TRIM66: variants seen among roughly 807,000 people sequenced by gnomAD.
TRIM66 encodes tripartite motif-containing protein 66.
TRIM66 carries 99 observed loss-of-function variants against 148.2 expected under a neutral mutation model. The ratio of observed to expected loss-of-function variants is 0.67; its 90% confidence interval spans 0.57 to 0.79. The LOEUF is 0.79. Ranked by LOEUF, TRIM66 falls within the 30% of genes least tolerant of loss-of-function variation. The pLI, the probability that TRIM66 is intolerant of heterozygous loss-of-function variation, is 0.00. For missense variants in TRIM66, 1,666 were observed against 1,697.9 expected (o/e 0.98, Z 0.33); for synonymous variants, 616 against 635.9 (o/e 0.97, Z 0.47).
At position 8,622,382 on chromosome 11, in the gene TRIM66, A is replaced by C. The variant is rs1157880488; in HGVS notation, c.3080+434T>G. On this transcript the variant is annotated intron_variant, in intron 18 of 24. Coordinates refer to ENST00000646038, the MANE Select transcript of TRIM66 (RefSeq NM_001388022.1). ...CACACACACATATATATATATATAT[A>C]TCTCCTACTTGTTCTGTGCCTCTAG... is the stretch of plus-strand genomic sequence containing the variant. Among the ~76,000 whole-genome samples the C allele has an allele frequency of 1.5e-5, 2 of 130,416 alleles. 1 individual carries two copies. Among genetic ancestry groups the C allele is most frequent in the Non-Finnish European group, 3.3e-5 (2 of 59,860 alleles). 85.6% of individuals were successfully genotyped at this position (130,416 alleles called of 152,430 possible). A position where few individuals can be genotyped will look rare whatever the true frequency, so the allele number is the denominator to read the frequency against.
intron 1 of TRIM66, 105 bp downstream of exon 1, chr11:8,682,496 G>A (rs2039488510): frequency 8.6e-6 from 4 of 464,978 alleles, no homozygotes; most frequent in Non-Finnish European, 1.5e-5. Flanking sequence ...CAAGGCGCCA[G>A]AAAAGGGCCT....
intron 23 of TRIM66, 195 bp downstream of exon 23, chr11:8,619,188 T>C: frequency 2.7e-6 from 2 of 731,506 alleles, no homozygotes; most frequent in Non-Finnish European, 4.4e-6. Context: ...CACTAGTACC[T>C]CCCCTTTTTC....
chr11:8,681,863 G>A (rs977884853), intron 1 of TRIM66, among the ~76,000 whole-genome samples: 1 of 152,076 alleles, frequency 6.6e-6, no homozygotes, highest in African/African-American at 2.4e-5. Context: ...TTGTGTCCAG[G>A]AAAGGGTCAC....
chr11:8,623,020 C>T, intron 17 of TRIM66, 144 bp from the exon 18 acceptor site: 1 of 407,636 alleles, frequency 2.5e-6, no homozygotes, highest in South Asian at 3.1e-5. Flanking sequence ...GTCATTCATA[C>T]ATAGTGGTGA....
chr11:8,642,787 T>C (rs1352446855), intron 13 of TRIM66, among the ~76,000 whole-genome samples: 1 of 126,358 alleles, frequency 7.9e-6, no homozygotes, highest in Non-Finnish European at 1.5e-5. Context: ...CTCATCCTGA[T>C]ACAAAGTCCT....
chr11:8,682,474 C>T, intron 1 of TRIM66, 127 bp downstream of exon 1: 2 of 421,104 alleles, frequency 4.7e-6, no homozygotes, highest in African/African-American at 2.1e-5. Flanking sequence ...TCGGCTTAGG[C>T]GGTTCCCTGA....
At position 8,670,233 on chromosome 11, in the gene TRIM66, G is replaced by A. The variant is rs149079574; in HGVS notation, c.340+1553C>T. Among the ~76,000 whole-genome samples the A allele has an allele frequency of 8.4e-3, 1,283 of 152,102 alleles. 18 individuals carry two copies. The highest frequency in any genetic ancestry group is 0.029 in the African/African-American group (1,205 of 41,480). On this transcript the variant is annotated intron_variant, in intron 6 of 24. Coordinates refer to ENST00000646038, the MANE Select transcript of TRIM66 (RefSeq NM_001388022.1). ...TCACCATGTTGCCCAGGCTGGTCTC[G>A]AACTCCTGACCTCAGATGATTCGCT... is the stretch of plus-strand genomic sequence containing the variant.
At chr11:8,644,404 T>A in intron 12 of TRIM66, 1 of 453,692 alleles carries the variant, frequency 2.2e-6, no homozygotes, top group Non-Finnish European at 4.4e-6. Context: ...TACTTACCAA[T>A]GTTTTAACCC....
chr11:8,647,708 G>A (rs943442309), intron 10 of TRIM66, among the ~76,000 whole-genome samples: 1 of 152,172 alleles, frequency 6.6e-6, no homozygotes, highest in African/African-American at 2.4e-5. Context: ...CTTCTGGCTA[G>A]TTCATAAGGC....
In TRIM66 at chr11:8,671,779, T is replaced by C. The variant is rs778883152; in HGVS notation, c.340+7A>G. On this transcript the variant is annotated splice_region_variant and intron_variant, in intron 6 of 24. Transcript: ENST00000646038. ...GGGAGGTGAACTTGTGGTGCCTTTG[T>C]ACTTACCATCTGCAACAGTCTCATG... 6 of 1,232,684 alleles carry C rather than the reference T, an allele frequency of 4.9e-6. No homozygotes were observed. The South Asian group carries it at 7.7e-5, about 16-fold the overall frequency. The allele number at this position is 1,232,684 out of a possible 1,614,324, so 76.4% of individuals were successfully genotyped here.
At chr11:8,647,884 C>CACT in intron 10 of TRIM66, 86 bp downstream of exon 10, 1 of 1,001,968 alleles carries the variant, frequency 1.0e-6, no homozygotes, top group Non-Finnish European at 1.5e-6. Flanking sequence ...TCTTCACAGG[C>CACT]ACTACATCTG....
At chr11:8,649,124 A>G (rs1221168491) in intron 8 of TRIM66, among the ~76,000 whole-genome samples, 2 of 152,360 alleles carry the variant, frequency 1.3e-5, no homozygotes, top group African/African-American at 2.4e-5. Context: ...GGATCACCTG[A>G]GGTCAGGGGT....
intron 4 of TRIM66, among the ~76,000 whole-genome samples, chr11:8,672,818 A>G (rs2039002397): frequency 6.6e-6 from 1 of 151,858 alleles, no homozygotes; most frequent in African/African-American, 2.4e-5. Context: ...TTTTTAGTAG[A>G]CAGAGTTTCA....
chr11:8,623,323 T>C (rs976726542), intron 17 of TRIM66, among the ~76,000 whole-genome samples: 1 of 152,180 alleles, frequency 6.6e-6, no homozygotes, highest in Admixed American at 6.5e-5. Context: ...CAGGGAGTTC[T>C]CCCCTGAGTA....
chr11:8,679,469 T>C (rs1350521424), intron 3 of TRIM66, 151 bp downstream of exon 3: 1 of 152,640 alleles, frequency 6.6e-6, no homozygotes, highest in African/African-American at 2.4e-5. Flanking sequence ...GTAGCTCCTC[T>C]ATAACCAAGG....
chr11:8,678,014 C>T (rs1349430926), intron 3 of TRIM66: 1 of 152,140 alleles, frequency 6.6e-6, no homozygotes, highest in Admixed American at 6.5e-5. Flanking sequence ...ACAAAAACCC[C>T]CAAGGCTAGG....
At position 8,616,159 on chromosome 11, in the gene TRIM66, G is replaced by C. The variant is rs1358573151; in HGVS notation, c.*1785C>G. ...CTCAGTTACCCCAAACTAGAAAACGGGATCACGGAAGCCCATCTGCTTAGA... is the reference window on the plus strand; with the variant it reads ...CTCAGTTACCCCAAACTAGAAAACGCGATCACGGAAGCCCATCTGCTTAGA... On this transcript the variant is annotated 3_prime_UTR_variant, in exon 25 of 25. Transcript: ENST00000646038. The C allele has an allele frequency of 1.3e-5, 2 of 152,164 alleles. No individual in the cohort carries two copies. Among genetic ancestry groups the C allele is most frequent in the East Asian group, 3.8e-4 (2 of 5,198 alleles). 9.4% of individuals were successfully genotyped at this position (152,164 alleles called of 1,614,324 possible).
At chr11:8,650,759 C>T (rs559029559) in intron 7 of TRIM66, among the ~76,000 whole-genome samples, 8 of 152,244 alleles carry the variant, frequency 5.3e-5, no homozygotes, top group African/African-American at 1.7e-4. Flanking sequence ...AACACTTGAG[C>T]TGGATACTGA....
At chr11:8,682,473 G>A in intron 1 of TRIM66, 128 bp downstream of exon 1, 1 of 420,960 alleles carries the variant, frequency 2.4e-6, no homozygotes, top group Non-Finnish European at 4.3e-6. Flanking sequence ...GTCGGCTTAG[G>A]CGGTTCCCTG....
Sources: allele counts gnomAD v4.1 joint callset (sites outside exome capture counted in the v4.1 genomes callset), GRCh38; gene constraint gnomAD v4.1.1; transcripts MANE v1.5; gene names NCBI Gene and HGNC (gene_info 2026-07-23, HGNC 2026-07-21).